The following TC2N variants were observed in gnomAD, a reference collection of about 807,000 sequenced individuals.
TC2N encodes the protein tandem C2 domains nuclear protein.
TC2N carries 51 observed loss-of-function variants against 61.9 expected under a neutral mutation model. The ratio of observed to expected loss-of-function variants is 0.82; its 90% CI spans 0.66 to 1.04. The LOEUF is 1.04. Ranked by LOEUF, TC2N falls within the 50% of genes least tolerant of loss-of-function variation. The pLI, the probability that TC2N is intolerant of heterozygous loss-of-function variation, is 0.00. For missense variants in TC2N, 556 were observed against 566.7 expected, an observed-to-expected ratio of 0.98 and a Z score of 0.19; for synonymous variants, 204 against 192.6, an observed-to-expected ratio of 1.06 and a Z score of -0.49.
chr14:91,809,062 T>G (rs946416131), intron 3 of TC2N, among the ~76,000 whole-genome samples: 4 of 152,208 alleles, frequency 2.6e-5, no homozygotes, highest in African/African-American at 7.2e-5. Context: ...ACTATTGATA[T>G]GCGCAAAGTA....
chr14:91,799,030 G>C lies in TC2N; in HGVS notation c.596C>G (p.Ser199Cys), dbSNP rs1468989691. Residue 199 changes from serine (S) to cysteine (C), a missense_variant, in exon 6 of 12, where the codon TCT becomes TGT. Physicochemically the swap from Ser to Cys is moderately radical, Grantham distance 112. Transcript: ENST00000435962. ...CCCCTGAGAATTTTTCCTTGAAGAAGAACTACTGGGTACACTGGACAATGA... is the reference window on the plus strand; with the variant it reads ...CCCCTGAGAATTTTTCCTTGAAGAACAACTACTGGGTACACTGGACAATGA... ...HDSLSSVPSS[S>C]SSRKNSQGSN... is the part of the protein sequence containing the mutation. 2 of 1,596,824 alleles carry C rather than the reference G, an allele frequency of 1.3e-6. No homozygotes were observed. The highest frequency in any genetic ancestry group is 1.1e-5 in the South Asian group (1 of 88,344).
chr14:91,842,193 C>T (rs7147495), intron 1 of TC2N, among the ~76,000 whole-genome samples: 1 of 151,972 alleles, frequency 6.6e-6, no homozygotes, highest in African/African-American at 2.4e-5. Context: ...CCATGTTGCC[C>T]AGGCTGGTCT....
At chr14:91,816,163 C>G (rs1052424447) in intron 1 of TC2N, among the ~76,000 whole-genome samples, 4 of 151,642 alleles carry the variant, frequency 2.6e-5, no homozygotes, top group Non-Finnish European at 5.9e-5. Flanking sequence ...ACTATGGGGC[C>G]AAAAGGTGTA....
intron 1 of TC2N, among the ~76,000 whole-genome samples, chr14:91,846,344 G>C (rs923040827): frequency 4.6e-5 from 7 of 152,168 alleles, no homozygotes; most frequent in African/African-American, 1.4e-4. Context: ...TCATCGTGGA[G>C]AGGACCAAGA....
intron 3 of TC2N, among the ~76,000 whole-genome samples, chr14:91,803,402 C>CACACAT (rs397743221): frequency 8.2e-6 from 1 of 121,662 alleles, no homozygotes; most frequent in African/African-American, 3.5e-5. Context: ...CACACACACA[C>CACACAT]GTACATACAT....
chr14:91,831,480 A>G (rs1450180026), intron 1 of TC2N, among the ~76,000 whole-genome samples: 1 of 152,240 alleles, frequency 6.6e-6, no homozygotes, highest in Non-Finnish European at 1.5e-5. Context: ...CTCAAGTATC[A>G]AGGTTCTTTA....
At chr14:91,830,841 T>C (rs1887733959) in intron 1 of TC2N, among the ~76,000 whole-genome samples, 1 of 152,192 alleles carries the variant, frequency 6.6e-6, no homozygotes, top group Admixed American at 6.5e-5. Flanking sequence ...TTTTTTCCTT[T>C]CTTGTTTTAC....
At chr14:91,817,906 G>A (rs2139872237) in intron 1 of TC2N, among the ~76,000 whole-genome samples, 1 of 152,146 alleles carries the variant, frequency 6.6e-6, no homozygotes, top group Middle Eastern at 3.4e-3. Flanking sequence ...AAAACACATG[G>A]ATATTTTACT....
At chr14:91,786,824 A>T (rs1885387733) in intron 10 of TC2N, among the ~76,000 whole-genome samples, 1 of 152,076 alleles carries the variant, frequency 6.6e-6, no homozygotes, top group South Asian at 2.1e-4. Context: ...AGTTTTATTG[A>T]TTATGCCTTT....
chr14:91,793,040 G>A (rs1256569438), intron 8 of TC2N, among the ~76,000 whole-genome samples: 2 of 151,988 alleles, frequency 1.3e-5, no homozygotes, highest in Non-Finnish European at 2.9e-5. Context: ...TCTATCTCAG[G>A]CTTCAATTTC....
chr14:91,795,819 G>C (rs1387857098), intron 8 of TC2N, among the ~76,000 whole-genome samples: 1 of 152,006 alleles, frequency 6.6e-6, no homozygotes, highest in Non-Finnish European at 1.5e-5. Context: ...GCTTATGTCT[G>C]TCTGTACAGC....
At chr14:91,862,351 A>G (rs572543788) in intron 1 of TC2N, among the ~76,000 whole-genome samples, 141 of 151,756 alleles carry the variant, frequency 9.3e-4, no homozygotes, top group South Asian at 2.3e-3. Context: ...AAAAAAAAAA[A>G]AAAAAAAGAA....
chr14:91,822,880 A>G (rs963785135), intron 1 of TC2N, among the ~76,000 whole-genome samples: 2 of 151,630 alleles, frequency 1.3e-5, no homozygotes, highest in African/African-American at 4.8e-5. Context: ...ACGCATGGCT[A>G]ATTTTTTGTA....
chr14:91,865,377 TTTTTTTTTTTTTTA>T, intron 1 of TC2N, among the ~76,000 whole-genome samples: 1 of 146,112 alleles, frequency 6.8e-6, no homozygotes, highest in East Asian at 2.0e-4. Context: ...TGGTTTTTTT[TTTTTTTTTTTTTTA>T]AAAAAACATC....
chr14:91,812,275 C>T (rs368283722), intron 3 of TC2N, 37 bp downstream of exon 3: 19 of 1,171,188 alleles, frequency 1.6e-5, no homozygotes, highest in Admixed American at 4.2e-5. Context: ...TTAAATGCTA[C>T]ATATCGATTT....
chr14:91,810,123 C>T (rs1387216884), intron 3 of TC2N, among the ~76,000 whole-genome samples: 2 of 152,140 alleles, frequency 1.3e-5, no homozygotes, highest in Non-Finnish European at 2.9e-5. Flanking sequence ...GCACATCACA[C>T]GGCAACAGCA....
chr14:91,802,524 A>G (rs1886309033), intron 3 of TC2N, 103 bp from the exon 4 acceptor site: 16 of 986,544 alleles, frequency 1.6e-5, no homozygotes, highest in Non-Finnish European at 2.4e-5. Context: ...TGTCTCAAGT[A>G]ATACTAAATC....
chr14:91,812,358 A>C lies in TC2N; in HGVS notation c.255T>G (p.Ile85Met). 1 of 1,612,442 alleles carries C rather than the reference A, an allele frequency of 6.2e-7. No individual in the cohort carries two copies. The highest frequency in any genetic ancestry group is 8.5e-7 in the Non-Finnish European group (1 of 1,178,938). ...FVVPKFKLSYIQPRTQETPSH... is the reference protein window; with the variant it reads ...FVVPKFKLSYMQPRTQETPSH... Reference sequence around the variant, plus strand: ...AAGGAGTTTCTTGTGTCCTGGGTTGAATGTAAGATAACTTAAACTTGGGCA... The same window carrying C: ...AAGGAGTTTCTTGTGTCCTGGGTTGCATGTAAGATAACTTAAACTTGGGCA... The change falls in exon 3 of 12, where the codon ATT (isoleucine) becomes ATG (methionine). Residue 85 changes from isoleucine to methionine, a missense_variant. Physicochemically the swap from Ile to Met is conservative, Grantham distance 10 (BLOSUM62 1). Transcript: ENST00000435962.
rs1888075347 is a variant in TC2N, at chr14:91,837,745, G to C, written c.-56-23920C>G. 6.6e-6 allele frequency among the ~76,000 whole-genome samples: 1 copy of C among 152,136 alleles called. No individual in the cohort carries two copies. The highest frequency in any genetic ancestry group is 1.5e-5 in the Non-Finnish European group (1 of 68,022). On this transcript the variant is annotated intron_variant, in intron 1 of 11. Transcript: ENST00000435962. The surrounding 1 kb of genome is among the most constrained non-coding windows in gnomAD (Gnocchi z 4.2). ...CACAATGCATACTAGCATTTTACAGGCATAAGAACCATGTTTTACTTTCTT... is the reference window on the plus strand; with the variant it reads ...CACAATGCATACTAGCATTTTACAGCCATAAGAACCATGTTTTACTTTCTT...
Sources: gnomAD v4.1 joint callset for allele counts (sites outside exome capture counted in the v4.1 genomes callset) on GRCh38, gnomAD v4.1.1 for gene constraint, Gnocchi (gnomAD v3.1) non-coding constraint, MANE v1.5 for transcripts, NCBI Gene and HGNC (gene_info 2026-07-23, HGNC 2026-07-21) for gene names.